VAV3: variants seen among roughly 807,000 people sequenced by gnomAD.
VAV3 encodes the protein guanine nucleotide exchange factor VAV3.
In VAV3, 94 loss-of-function variants were observed where a neutral mutation model predicts 131.2. The observed-to-expected ratio is 0.72, with a 90% CI of 0.61 to 0.85. VAV3 has a LOEUF of 0.85. Ranked by LOEUF, VAV3 falls within the 40% of genes least tolerant of loss-of-function variation. The pLI is 0.00. For synonymous variants in VAV3, 349 were observed against 342.0 expected, an observed-to-expected ratio of 1.02 and a Z score of -0.22; for missense variants, 939 against 1,002.7, an observed-to-expected ratio of 0.94 and a Z score of 0.86.
intron 1 of VAV3, among the ~76,000 whole-genome samples, chr1:107,954,466 C>T (rs747263624): frequency 5.9e-5 from 9 of 151,406 alleles, no homozygotes; most frequent in Non-Finnish European, 1.0e-4. Flanking sequence ...AAAAGTCTAA[C>T]ACCCATTTTA....
intron 22 of VAV3, 92 bp from the exon 23 acceptor site, chr1:107,603,255 G>T: frequency 1.1e-6 from 1 of 882,734 alleles, no homozygotes; most frequent in Non-Finnish European, 1.8e-6. Context: ...TAATTTAGTG[G>T]CAGATCTGAG....
intron 1 of VAV3, among the ~76,000 whole-genome samples, chr1:107,878,011 A>G (rs563507985): frequency 7.9e-5 from 12 of 152,246 alleles, no homozygotes; most frequent in Admixed American, 7.2e-4. Flanking sequence ...TGCTTTTACC[A>G]AACTGATTTT....
At position 107,874,976 on chromosome 1, in the gene VAV3, A is replaced by AC. The variant is rs1670424724; in HGVS notation, c.245dup (p.Cys82TrpfsTer3). The stretch of plus-strand genomic sequence containing the variant: ...TTTTCCTCATTCCAAACGTCTCACA[A>AC]CAGGCCGTGAGAAATGTCCTTATGT... On this transcript the variant is annotated frameshift_variant, in exon 2 of 27. Transcript: ENST00000370056. LOFTEE classifies it high-confidence loss of function. 1 of 1,613,426 alleles carries AC rather than the reference A, an allele frequency of 6.2e-7. No individual in the cohort carries two copies. The highest frequency in any genetic ancestry group is 8.5e-7 in the Non-Finnish European group (1 of 1,179,538).
At chr1:107,781,924 T>C (rs1665711868) in intron 2 of VAV3, among the ~76,000 whole-genome samples, 1 of 152,152 alleles carries the variant, frequency 6.6e-6, no homozygotes, top group Non-Finnish European at 1.5e-5. Context: ...AAAATAAAAA[T>C]AGTCACTTGC....
intron 2 of VAV3, among the ~76,000 whole-genome samples, chr1:107,794,457 A>T (rs1195696559): frequency 6.6e-6 from 1 of 152,228 alleles, no homozygotes; most frequent in Non-Finnish European, 1.5e-5. Flanking sequence ...AATCAGCTTT[A>T]AAAAATTCTC....
rs1395650868 is a variant in VAV3, at chr1:107,586,835, A to AAT, written c.2350+9375_2350+9376dup. ...TATTTGGGGTTATCTTGGTAGGAAG[A>AAT]ATATATATTTATTTTGAACTAATCA... On this transcript the variant is annotated intron_variant, in intron 25 of 26. Transcript: ENST00000370056. Among the ~76,000 whole-genome samples, 4 of 152,136 alleles carry AAT rather than the reference A, an allele frequency of 2.6e-5. No homozygotes were observed. In the East Asian group the frequency reaches 7.7e-4, roughly 29 times the overall value.
At chr1:107,899,459 A>T (rs1402893862) in intron 1 of VAV3, among the ~76,000 whole-genome samples, 1 of 152,186 alleles carries the variant, frequency 6.6e-6, no homozygotes, top group Admixed American at 6.5e-5. Flanking sequence ...TAAATAATAC[A>T]ATTTGATACG....
chr1:107,723,882 T>G (rs114672775), intron 15 of VAV3, among the ~76,000 whole-genome samples: 1 of 152,222 alleles, frequency 6.6e-6, no homozygotes, highest in African/African-American at 2.4e-5. Flanking sequence ...TAAAGTGTCC[T>G]GTACTATATC....
intron 25 of VAV3, among the ~76,000 whole-genome samples, chr1:107,588,497 A>AG (rs2101039659): frequency 6.6e-6 from 1 of 152,320 alleles, no homozygotes; most frequent in East Asian, 1.9e-4. Flanking sequence ...TAGTAATAGC[A>AG]GGAGCAAAAC....
chr1:107,619,826 C>T (rs11185146), intron 20 of VAV3, among the ~76,000 whole-genome samples: 142,558 of 152,228 alleles, frequency 0.94, 67,361 homozygotes, highest in East Asian at 1. Context: ...GAATAAGTGA[C>T]ATTTTGTGAC....
chr1:107,583,377 C>T (rs896915724), intron 25 of VAV3, among the ~76,000 whole-genome samples: 8 of 152,284 alleles, frequency 5.3e-5, no homozygotes, highest in Non-Finnish European at 1.2e-4. Flanking sequence ...CTCACCACTC[C>T]TATTCAACAT....
chr1:107,841,743 C>T (rs1419534370), intron 2 of VAV3, among the ~76,000 whole-genome samples: 1 of 152,080 alleles, frequency 6.6e-6, no homozygotes, highest in African/African-American at 2.4e-5. Flanking sequence ...CTGTCCATCA[C>T]TTTAGACACT....
intron 1 of VAV3, among the ~76,000 whole-genome samples, chr1:107,891,622 T>C (rs1206371635): frequency 6.6e-6 from 1 of 151,924 alleles, no homozygotes; most frequent in Non-Finnish European, 1.5e-5. Context: ...GTGGATCACC[T>C]GAGGTCAGGA....
chr1:107,623,918 A>G (rs1372272436), intron 20 of VAV3, among the ~76,000 whole-genome samples: 1 of 152,198 alleles, frequency 6.6e-6, no homozygotes, highest in African/African-American at 2.4e-5. Context: ...AGAATTCTGA[A>G]TAAGTCTAAG....
At chr1:107,703,970 G>A (rs1288555163) in intron 17 of VAV3, among the ~76,000 whole-genome samples, 6 of 152,080 alleles carry the variant, frequency 3.9e-5, no homozygotes, top group Admixed American at 2.6e-4. Context: ...TTAGAAACTA[G>A]CTCATGTAAC....
chr1:107,955,428 C>G (rs1300480995), intron 1 of VAV3, among the ~76,000 whole-genome samples: 1 of 151,922 alleles, frequency 6.6e-6, no homozygotes, highest in Admixed American at 6.6e-5. Flanking sequence ...GTATGACTCC[C>G]TGTGTCCATT....
chr1:107,796,972 A>AT (rs969758466), intron 2 of VAV3, among the ~76,000 whole-genome samples: 2 of 151,998 alleles, frequency 1.3e-5, no homozygotes, highest in African/African-American at 2.4e-5. Flanking sequence ...GAGTAAAATA[A>AT]TTTTTTTAAA....
chr1:107,668,098 C>A (rs1032233339), intron 19 of VAV3, among the ~76,000 whole-genome samples: 8 of 152,158 alleles, frequency 5.3e-5, no homozygotes, highest in Non-Finnish European at 2.9e-5. Context: ...TTGATATTGA[C>A]AATTAAGAGT....
intron 2 of VAV3, among the ~76,000 whole-genome samples, chr1:107,788,339 C>T (rs1479198299): frequency 6.6e-6 from 1 of 152,004 alleles, no homozygotes; most frequent in Non-Finnish European, 1.5e-5. Flanking sequence ...GCTGCCCTGC[C>T]CCTTCCACCC....
Sources: allele counts gnomAD v4.1 joint callset (sites outside exome capture counted in the v4.1 genomes callset), GRCh38; gene constraint gnomAD v4.1.1; transcripts MANE v1.5; gene names NCBI Gene and HGNC (gene_info 2026-07-23, HGNC 2026-07-21).